RALYL: variants seen among roughly 807,000 people sequenced by gnomAD.
The protein encoded by RALYL is RALY RNA binding protein like, also known as RNA-binding Raly-like protein.
Under a neutral mutation model 35.1 loss-of-function variants are expected in RALYL, and 29 were observed. That is an observed-to-expected ratio of 0.83 (90% CI 0.61 to 1.13). The LOEUF (loss-of-function observed/expected upper bound fraction) is 1.13. Among genes scored for constraint, RALYL ranks in the 50% most tolerant of loss-of-function variants. The probability of loss-of-function intolerance (pLI) is 0.00; values close to 1 mark genes in which losing one functional copy is unlikely to be tolerated. For synonymous variants in RALYL, 120 were observed against 127.6 expected (o/e 0.94, Z 0.40); for missense variants, 359 against 360.4 (o/e 1.00, Z 0.03).
At chr8:84,640,040 T>G (rs1373622472) in intron 2 of RALYL, among the ~76,000 whole-genome samples, 1 of 152,012 alleles carries the variant, frequency 6.6e-6, no homozygotes. Flanking sequence ...TAAATTTGTA[T>G]AGCTTTGATA....
chr8:84,241,777 CAAA>C (rs35007112), intron 1 of RALYL, among the ~76,000 whole-genome samples: 23 of 110,532 alleles, frequency 2.1e-4, no homozygotes, highest in African/African-American at 2.0e-4. Flanking sequence ...GACTGTGTCT[CAAA>C]AAAAAAAAAA....
chr8:84,795,882 T>C (rs1690636614), intron 3 of RALYL, among the ~76,000 whole-genome samples: 1 of 152,200 alleles, frequency 6.6e-6, no homozygotes, highest in African/African-American at 2.4e-5. Context: ...ATTCGCACTT[T>C]CAGCCACCTC....
intron 2 of RALYL, among the ~76,000 whole-genome samples, chr8:84,594,094 T>G (rs930677522): frequency 1.3e-5 from 2 of 152,072 alleles, no homozygotes; most frequent in South Asian, 2.1e-4. Flanking sequence ...CTCCTTTACC[T>G]GCATTTCTCT....
intron 1 of RALYL, among the ~76,000 whole-genome samples, chr8:84,398,964 A>C (rs2042611632): frequency 2.2e-5 from 2 of 90,290 alleles, no homozygotes; most frequent in South Asian, 4.6e-4. Flanking sequence ...ATAGAGTGAG[A>C]CTCTGTCTCA....
At chr8:84,536,907 A>T (rs531037465) in intron 2 of RALYL, among the ~76,000 whole-genome samples, 39 of 152,202 alleles carry the variant, frequency 2.6e-4, no homozygotes, top group African/African-American at 9.2e-4. Context: ...AAATCTTGGA[A>T]TTTTTCTTAA....
At chr8:84,781,751 T>C (rs1249087314) in intron 3 of RALYL, among the ~76,000 whole-genome samples, 1 of 152,100 alleles carries the variant, frequency 6.6e-6, no homozygotes, top group Non-Finnish European at 1.5e-5. Context: ...AAAATTTAAT[T>C]ATACTAATAA....
At chr8:84,525,916 T>C (rs898861846) in intron 1 of RALYL, among the ~76,000 whole-genome samples, 1 of 151,648 alleles carries the variant, frequency 6.6e-6, no homozygotes, top group African/African-American at 2.4e-5. Flanking sequence ...GTGTATTTTA[T>C]GTGATTGAAT....
chr8:84,835,683 CAAA>C (rs5892932), intron 4 of RALYL, among the ~76,000 whole-genome samples: 7 of 72,526 alleles, frequency 9.7e-5, no homozygotes, highest in African/African-American at 2.6e-4. Flanking sequence ...AACTCCGTCT[CAAA>C]AAAAAAAAAA....
intron 5 of RALYL, among the ~76,000 whole-genome samples, chr8:84,850,261 G>T (rs779143536): frequency 2.0e-5 from 3 of 152,078 alleles, no homozygotes; most frequent in Non-Finnish European, 2.9e-5. Flanking sequence ...CTAAGATTTG[G>T]TGTCTAATAT....
Position 84,911,141 on chromosome 8 carries a change from A to T in RALYL, c.859-9753A>T, listed in dbSNP as rs114933593. Among the ~76,000 whole-genome samples, 560 of 152,188 alleles carry T rather than the reference A, an allele frequency of 3.7e-3. 4 individuals carry two copies. Among genetic ancestry groups the T allele is most frequent in the African/African-American group, 0.013 (525 of 41,544 alleles). ...TGAGGCTTAATTTCCTTTTCTCCCC[A>T]CCAGAAAGTTCAACTAGCAACTATC... On this transcript the variant is annotated intron_variant, in intron 8 of 8. Coordinates refer to ENST00000521268, the MANE Select transcript of RALYL (RefSeq NM_173848.7).
chr8:84,652,042 G>C (rs1039540261), intron 2 of RALYL, among the ~76,000 whole-genome samples: 1 of 151,894 alleles, frequency 6.6e-6, no homozygotes, highest in East Asian at 1.9e-4. Flanking sequence ...AAATCCAAAG[G>C]CCTAAAATGT....
chr8:84,294,764 AC>A (rs1307471388), intron 1 of RALYL, among the ~76,000 whole-genome samples: 1 of 151,738 alleles, frequency 6.6e-6, no homozygotes. Flanking sequence ...TTAACTTTGT[AC>A]TAAAAAAAAA....
intron 1 of RALYL, among the ~76,000 whole-genome samples, chr8:84,503,212 A>T (rs1270211846): frequency 6.6e-6 from 1 of 151,938 alleles, no homozygotes; most frequent in African/African-American, 2.4e-5. Flanking sequence ...CAGTGGTAGG[A>T]TCATAGCTCG....
intron 8 of RALYL, among the ~76,000 whole-genome samples, chr8:84,895,062 G>C (rs1216663156): frequency 6.6e-6 from 1 of 152,152 alleles, no homozygotes; most frequent in Non-Finnish European, 1.5e-5. Flanking sequence ...AAAGGCACAT[G>C]CTTGGCACAG....
chr8:84,835,683 C>CAAAA (rs5892932), intron 4 of RALYL, among the ~76,000 whole-genome samples: 7 of 72,522 alleles, frequency 9.7e-5, no homozygotes, highest in African/African-American at 1.6e-4. Flanking sequence ...AACTCCGTCT[C>CAAAA]AAAAAAAAAA....
chr8:84,376,272 C>G (rs2131530383), intron 1 of RALYL, among the ~76,000 whole-genome samples: 1 of 151,974 alleles, frequency 6.6e-6, no homozygotes, highest in Admixed American at 6.6e-5. Context: ...AAACATCTGA[C>G]AGTGCTTGAC....
At chr8:84,488,197 C>T (rs2054858483) in intron 1 of RALYL, among the ~76,000 whole-genome samples, 1 of 151,858 alleles carries the variant, frequency 6.6e-6, no homozygotes, top group Non-Finnish European at 1.5e-5. Context: ...TATGATTTTC[C>T]CCCTTCAGCA....
intron 1 of RALYL, among the ~76,000 whole-genome samples, chr8:84,476,648 C>T (rs2053457132): frequency 6.6e-6 from 1 of 152,096 alleles, no homozygotes; most frequent in African/African-American, 2.4e-5. Context: ...TTTATTCCCT[C>T]GTTGCCAAAT....
chr8:84,539,848 ATATATG>A (rs1261441831), intron 2 of RALYL, among the ~76,000 whole-genome samples: 427 of 11,092 alleles, frequency 0.038, 2 homozygotes, highest in African/African-American at 0.06. Flanking sequence ...ATATATATAT[ATATATG>A]TATATATATA....
Sources: allele counts gnomAD v4.1 joint callset (sites outside exome capture counted in the v4.1 genomes callset), GRCh38; gene constraint gnomAD v4.1.1; transcripts MANE v1.5; gene names NCBI Gene and HGNC (gene_info 2026-07-23, HGNC 2026-07-21).